MBOAT1: variants seen among roughly 807,000 people sequenced by gnomAD.
The protein encoded by MBOAT1 is membrane-bound glycerophospholipid O-acyltransferase 1.
A neutral mutation model predicts 64.4 loss-of-function variants in MBOAT1; 67 were observed. The ratio of observed to expected loss-of-function variants is 1.04; its 90% confidence interval spans 0.85 to 1.27. The LOEUF (loss-of-function observed/expected upper bound fraction) is 1.27. MBOAT1 is among the 50% of genes most tolerant of loss of function. The pLI is 0.00. For missense variants in MBOAT1, 563 were observed against 604.6 expected (o/e 0.93, Z 0.72); for synonymous variants, 229 against 218.9 (o/e 1.05, Z -0.41).
At chr6:20,109,521 A>G (rs562325829) in intron 12 of MBOAT1, 77 bp downstream of exon 12, 62 of 1,536,026 alleles carry the variant, frequency 4.0e-5, no homozygotes, top group African/African-American at 1.9e-4. Context: ...GCTTCATTCA[A>G]TTTACTGCCT....
chr6:20,177,642 T>C (rs1008263780), intron 1 of MBOAT1, among the ~76,000 whole-genome samples: 7 of 151,828 alleles, frequency 4.6e-5, no homozygotes, highest in South Asian at 2.1e-4. Flanking sequence ...GGCATGGTGG[T>C]GGGAGCCTGT....
chr6:20,120,314 C>CA (rs1189364553), intron 8 of MBOAT1, among the ~76,000 whole-genome samples: 3 of 152,062 alleles, frequency 2.0e-5, no homozygotes, highest in Non-Finnish European at 4.4e-5. Context: ...GTGGACAGCT[C>CA]AGTGCTGGCC....
chr6:20,211,037 T>A (rs998302980), intron 1 of MBOAT1, among the ~76,000 whole-genome samples: 12 of 152,160 alleles, frequency 7.9e-5, no homozygotes, highest in Non-Finnish European at 1.8e-4. Flanking sequence ...GTTTCTGACT[T>A]TCTGTATTCT....
chr6:20,121,582 T>TC (rs1760494490), intron 8 of MBOAT1, among the ~76,000 whole-genome samples: 1 of 152,204 alleles, frequency 6.6e-6, no homozygotes. Context: ...TGCTCTGTGT[T>TC]CCCATGGCAC....
chr6:20,109,381 A>G (rs544778520), intron 12 of MBOAT1, among the ~76,000 whole-genome samples: 27 of 152,186 alleles, frequency 1.8e-4, no homozygotes, highest in Non-Finnish European at 3.7e-4. Context: ...TGAATGGCTT[A>G]AGGGATTCCT....
intron 1 of MBOAT1, among the ~76,000 whole-genome samples, chr6:20,193,002 T>TTTTTTTTTTTG: frequency 1.1e-5 from 1 of 88,544 alleles, no homozygotes; most frequent in Non-Finnish European, 2.5e-5. Flanking sequence ...TTTCTTTTTT[T>TTTTTTTTTTTG]TTTTTTTTTT....
intron 6 of MBOAT1, among the ~76,000 whole-genome samples, chr6:20,128,217 C>T (rs1185502027): frequency 6.6e-6 from 1 of 152,118 alleles, no homozygotes; most frequent in Non-Finnish European, 1.5e-5. Context: ...CTGGCAAAGC[C>T]ACCTGTAGCC....
intron 3 of MBOAT1, among the ~76,000 whole-genome samples, chr6:20,146,676 C>G (rs1761334073): frequency 6.6e-6 from 1 of 152,156 alleles, no homozygotes; most frequent in African/African-American, 2.4e-5. Context: ...CCTGCTGCTT[C>G]CCCTTTGTCC....
At chr6:20,117,631 G>C (rs778719491) in intron 9 of MBOAT1, among the ~76,000 whole-genome samples, 7 of 152,092 alleles carry the variant, frequency 4.6e-5, no homozygotes, top group Non-Finnish European at 1.0e-4. Flanking sequence ...TACTATCTCT[G>C]GCTTCTTGCT....
intron 1 of MBOAT1, among the ~76,000 whole-genome samples, chr6:20,191,818 T>C (rs1561783258): frequency 6.6e-6 from 1 of 152,174 alleles, no homozygotes; most frequent in Non-Finnish European, 1.5e-5. Context: ...AATAAAGCTA[T>C]ATTATTATAG....
rs186047286 is a variant in MBOAT1, at chr6:20,119,699, C to T, written c.908-1159G>A. Among the ~76,000 whole-genome samples the T allele has an allele frequency of 4.9e-4, 74 of 152,284 alleles. 2 individuals are homozygous for T. The East Asian group carries it at 0.012, about 24-fold the overall frequency. On this transcript the variant is annotated intron_variant, in intron 8 of 12. Transcript: ENST00000324607. Reference sequence around the variant, plus strand: ...AGAGACCAAGTCCTTCTATGTCATTCTCCCGTCGCCAACTGGATGGGAACC... The same window carrying T: ...AGAGACCAAGTCCTTCTATGTCATTTTCCCGTCGCCAACTGGATGGGAACC...
chr6:20,168,594 A>C (rs1762088868), intron 1 of MBOAT1, among the ~76,000 whole-genome samples: 1 of 91,544 alleles, frequency 1.1e-5, no homozygotes, highest in South Asian at 4.0e-4. Flanking sequence ...AGAGAGGGAG[A>C]GAAAGAGAGA....
At chr6:20,183,411 AC>A (rs931396660) in intron 1 of MBOAT1, among the ~76,000 whole-genome samples, 2 of 152,204 alleles carry the variant, frequency 1.3e-5, no homozygotes, top group Non-Finnish European at 2.9e-5. Flanking sequence ...GCTTGGCTCA[AC>A]CACCATGACT....
Position 20,212,341 on chromosome 6 carries a change from C to T in MBOAT1, c.-107G>A, listed in dbSNP as rs1430546402. On this transcript the variant is annotated 5_prime_UTR_variant, in exon 1 of 13. Transcript: ENST00000324607. ...GTGGTTGCCCCGAGAGGCGCACGGC[C>T]GCCTGGTTCGCGGGGGAGCGAACGG... 3 of 996,342 alleles carry T rather than the reference C, an allele frequency of 3.0e-6. No individual in the cohort carries two copies. Among genetic ancestry groups the T allele is most frequent in the Non-Finnish European group, 4.4e-6 (3 of 678,042 alleles). 61.7% of individuals were successfully genotyped at this position (996,342 alleles called of 1,614,324 possible).
intron 1 of MBOAT1, among the ~76,000 whole-genome samples, chr6:20,163,137 A>G (rs928303859): frequency 2.6e-5 from 4 of 152,188 alleles, no homozygotes; most frequent in African/African-American, 9.7e-5. Context: ...GCAAGAAAAA[A>G]TCCTGAAGTA....
chr6:20,171,801 A>C (rs1167646594), intron 1 of MBOAT1, among the ~76,000 whole-genome samples: 2 of 152,196 alleles, frequency 1.3e-5, no homozygotes, highest in African/African-American at 2.4e-5. Context: ...TGGGAGGCCA[A>C]GGCGAGATAA....
rs1762414609 is a variant in MBOAT1 at position 20,178,389 on chromosome 6, T to C, written c.100-25620A>G. 2.0e-5 allele frequency among the ~76,000 whole-genome samples: 3 copies of C among 152,154 alleles called. No individual in the cohort carries two copies. In the South Asian group the frequency reaches 6.2e-4, roughly 32 times the overall value. Reference sequence around the variant, plus strand: ...CACTCAGGAAAGTTGACAAAGTTGATAAATAAAGTTGATAATAAAAAAAGT... The same window carrying C: ...CACTCAGGAAAGTTGACAAAGTTGACAAATAAAGTTGATAATAAAAAAAGT... On this transcript the variant is annotated intron_variant, in intron 1 of 12. Coordinates refer to ENST00000324607, the MANE Select transcript of MBOAT1 (RefSeq NM_001080480.3).
At chr6:20,182,463 C>T (rs921427660) in intron 1 of MBOAT1, among the ~76,000 whole-genome samples, 1 of 152,222 alleles carries the variant, frequency 6.6e-6, no homozygotes, top group Non-Finnish European at 1.5e-5. Flanking sequence ...TACTGCTAAT[C>T]TTCCTCCTGA....
In MBOAT1 at chr6:20,152,676, G is replaced by T. The variant is rs1417464374; in HGVS notation, c.193C>A (p.His65Asn). The T allele has an allele frequency of 1.2e-6, 2 of 1,611,880 alleles. No individual in the cohort carries two copies. The highest frequency in any genetic ancestry group is 1.7e-6 in the Non-Finnish European group (2 of 1,178,652). ...RPGTTSSDVR[H>N]AVATIFGIYF... ...ATGCCAAAAATGGTGGCAACCGCAT[G>T]CCGGACATCAGAGCTGGTTGTACCA... The change falls in exon 2 of 13, where the codon CAT (histidine) becomes AAT (asparagine). Residue 65 changes from histidine to asparagine, a missense_variant. Physicochemically the swap from His to Asn is moderately conservative, Grantham distance 68 (BLOSUM62 1). Coordinates refer to ENST00000324607, the MANE Select transcript of MBOAT1 (RefSeq NM_001080480.3).
Sources: allele counts gnomAD v4.1 joint callset (sites outside exome capture counted in the v4.1 genomes callset), GRCh38; gene constraint gnomAD v4.1.1; transcripts MANE v1.5; gene names NCBI Gene and HGNC (gene_info 2026-07-23, HGNC 2026-07-21).